ATP6V1H: variants seen among roughly 807,000 people sequenced by gnomAD.
ATP6V1H encodes ATPase H+ transporting V1 subunit H.
Under a neutral mutation model 71.7 loss-of-function variants are expected in ATP6V1H, and 39 were observed. That is an observed-to-expected ratio of 0.54 (90% confidence interval 0.42 to 0.71). The LOEUF (loss-of-function observed/expected upper bound fraction) is 0.71, where lower values mean the gene tolerates loss of function less well. Ranked by LOEUF, ATP6V1H falls within the 30% of genes least tolerant of loss-of-function variation. The pLI is 0.00. For missense variants in ATP6V1H, 509 were observed against 594.9 expected, an observed-to-expected ratio of 0.86 and a Z score of 1.50; for synonymous variants, 192 against 199.3, an observed-to-expected ratio of 0.96 and a Z score of 0.31.
At chr8:53,833,917 T>C (rs1811082722) in intron 2 of ATP6V1H, among the ~76,000 whole-genome samples, 1 of 152,052 alleles carries the variant, frequency 6.6e-6, no homozygotes, top group Admixed American at 6.6e-5. Flanking sequence ...GCTGCTGAAT[T>C]TGAAAATGAT....
At chr8:53,801,283 A>C (rs189914784) in intron 8 of ATP6V1H, among the ~76,000 whole-genome samples, 81 of 152,318 alleles carry the variant, frequency 5.3e-4, no homozygotes, top group African/African-American at 1.9e-3. Context: ...AAGCAGTTAG[A>C]TCTCTCATGA....
chr8:53,750,957 T>C (rs760683192), intron 12 of ATP6V1H, among the ~76,000 whole-genome samples: 1 of 152,204 alleles, frequency 6.6e-6, no homozygotes, highest in Non-Finnish European at 1.5e-5. Flanking sequence ...CTAAGTGTTT[T>C]ACATTATTAT....
At chr8:53,749,732 C>T (rs182154342) in intron 12 of ATP6V1H, among the ~76,000 whole-genome samples, 1 of 149,102 alleles carries the variant, frequency 6.7e-6, no homozygotes, top group East Asian at 2.0e-4. Context: ...GGTTTAGATG[C>T]CAGACTCCTT....
chr8:53,766,688 C>T (rs568380398), intron 11 of ATP6V1H, among the ~76,000 whole-genome samples: 2 of 152,240 alleles, frequency 1.3e-5, no homozygotes, highest in South Asian at 2.1e-4. Context: ...CCAGGGTGTA[C>T]CTGTCTCTTA....
Position 53,785,545 on chromosome 8 carries a change from G to GT in ATP6V1H, c.870+10101dup, listed in dbSNP as rs1422446433. Among the ~76,000 whole-genome samples the GT allele has an allele frequency of 2.0e-5, 3 of 152,294 alleles. No individual in the cohort carries two copies. The East Asian group carries it at 5.8e-4, about 29-fold the overall frequency. ...AGCCTTCTTCTCTCAACTCGTCAAA[G>GT]TAATTCTCCATCCAGCTTTGTTCCG... On this transcript the variant is annotated intron_variant, in intron 9 of 13. Transcript: ENST00000359530.
intron 9 of ATP6V1H, among the ~76,000 whole-genome samples, chr8:53,785,487 C>T (rs1419730006): frequency 6.6e-6 from 1 of 152,180 alleles, no homozygotes; most frequent in Non-Finnish European, 1.5e-5. Context: ...GTTTGAACTT[C>T]CTCCTTTAGC....
chr8:53,839,663 G>C (rs1192114161), intron 2 of ATP6V1H: 1 of 985,298 alleles, frequency 1.0e-6, no homozygotes, highest in Admixed American at 6.1e-5. Context: ...TCAAGAGGCA[G>C]ATATGGTCTT....
chr8:53,732,767 C>T (rs1377166483), intron 13 of ATP6V1H, among the ~76,000 whole-genome samples: 1 of 152,086 alleles, frequency 6.6e-6, no homozygotes, highest in African/African-American at 2.4e-5. Context: ...TTGCAGGAGC[C>T]GCCAGAGGTA....
intron 6 of ATP6V1H, among the ~76,000 whole-genome samples, chr8:53,814,167 C>T (rs775464972): frequency 8.5e-5 from 13 of 152,114 alleles, no homozygotes; most frequent in Non-Finnish European, 1.5e-5. Context: ...AGATCTCACT[C>T]GAATCTTTCA....
chr8:53,809,850 T>C (rs1810215565), intron 7 of ATP6V1H, among the ~76,000 whole-genome samples: 1 of 152,172 alleles, frequency 6.6e-6, no homozygotes, highest in South Asian at 2.1e-4. Flanking sequence ...CGAGGCTTCT[T>C]ACCTACCATT....
chr8:53,793,249 G>A (rs1809624624), intron 9 of ATP6V1H, among the ~76,000 whole-genome samples: 1 of 152,122 alleles, frequency 6.6e-6, no homozygotes, highest in African/African-American at 2.4e-5. Context: ...TTAAAAGAAG[G>A]GTAATATTAT....
At chr8:53,835,995 A>G (rs1379921509) in intron 2 of ATP6V1H, among the ~76,000 whole-genome samples, 4 of 152,210 alleles carry the variant, frequency 2.6e-5, no homozygotes, top group Non-Finnish European at 5.9e-5. Flanking sequence ...ACAGGCGCAG[A>G]ACTAAGATTG....
At chr8:53,741,841 G>C (rs1807423544) in intron 13 of ATP6V1H, among the ~76,000 whole-genome samples, 1 of 152,122 alleles carries the variant, frequency 6.6e-6, no homozygotes, top group African/African-American at 2.4e-5. Context: ...CACTAGCTCT[G>C]AATCTACCCC....
chr8:53,793,704 C>T (rs1370299763), intron 9 of ATP6V1H, among the ~76,000 whole-genome samples: 2 of 151,852 alleles, frequency 1.3e-5, no homozygotes, highest in Non-Finnish European at 2.9e-5. Context: ...TTTGGGAGGC[C>T]GAGGCAGGTG....
chr8:53,717,917 T>C (rs541735425), intron 13 of ATP6V1H, among the ~76,000 whole-genome samples: 4 of 152,346 alleles, frequency 2.6e-5, no homozygotes, highest in African/African-American at 9.6e-5. Flanking sequence ...TCAAAGACAC[T>C]GTGCCACTCT....
At chr8:53,793,548 G>A (rs1479000623) in intron 9 of ATP6V1H, among the ~76,000 whole-genome samples, 1 of 152,086 alleles carries the variant, frequency 6.6e-6, no homozygotes, top group Non-Finnish European at 1.5e-5. Context: ...GGGAGGCTGA[G>A]GCAGGAGTAT....
At chr8:53,755,372 A>G (rs570014791) in intron 12 of ATP6V1H, among the ~76,000 whole-genome samples, 63 of 152,000 alleles carry the variant, frequency 4.1e-4, no homozygotes, top group Admixed American at 3.7e-3. Context: ...GGCCAAGTAC[A>G]AAAGGGACAA....
At chr8:53,756,839 GT>G (rs1424586024) in intron 11 of ATP6V1H, among the ~76,000 whole-genome samples, 183 bp from the exon 12 acceptor site, 4 of 152,218 alleles carry the variant, frequency 2.6e-5, no homozygotes, top group African/African-American at 7.2e-5. Flanking sequence ...TATATAACAA[GT>G]TTCTTTCAGA....
chr8:53,733,877 A>G (rs1807110325), intron 13 of ATP6V1H, among the ~76,000 whole-genome samples: 1 of 152,090 alleles, frequency 6.6e-6, no homozygotes, highest in Non-Finnish European at 1.5e-5. Flanking sequence ...AGCCATTTAC[A>G]CTATATGCAT....
Sources: gnomAD v4.1 joint callset for allele counts (sites outside exome capture counted in the v4.1 genomes callset) on GRCh38, gnomAD v4.1.1 for gene constraint, MANE v1.5 for transcripts, NCBI Gene and HGNC (gene_info 2026-07-23, HGNC 2026-07-21) for gene names.